The following METTL4 variants were observed in gnomAD, a reference collection of about 807,000 sequenced individuals.
METTL4 encodes methyltransferase 4, N6-adenosine, also known as N(6)-adenine-specific methyltransferase METTL4.
In METTL4, 40 loss-of-function variants were observed where a neutral mutation model predicts 54.0. The observed-to-expected ratio is 0.74, with a 90% confidence interval of 0.58 to 0.96. The LOEUF (loss-of-function observed/expected upper bound fraction) is 0.96. Among genes scored for constraint, METTL4 ranks in the 50% least tolerant of loss-of-function variants. The pLI is 0.00. For synonymous variants in METTL4, 169 were observed against 183.8 expected, an observed-to-expected ratio of 0.92 and a Z score of 0.65; for missense variants, 525 against 549.0, an observed-to-expected ratio of 0.96 and a Z score of 0.44.
At chr18:2,563,274 T>G (rs1049724118) in intron 3 of METTL4, among the ~76,000 whole-genome samples, 1 of 152,206 alleles carries the variant, frequency 6.6e-6, no homozygotes, top group African/African-American at 2.4e-5. Context: ...TTTAAACTAA[T>G]AGAAGTACAT....
chr18:2,560,139 G>A (rs1288438608), intron 3 of METTL4, among the ~76,000 whole-genome samples: 1 of 152,086 alleles, frequency 6.6e-6, no homozygotes. Flanking sequence ...ACCTGATTTT[G>A]TTACTAAAAA....
intron 5 of METTL4, among the ~76,000 whole-genome samples, chr18:2,548,055 A>T (rs760780030): frequency 3.9e-5 from 6 of 152,112 alleles, no homozygotes; most frequent in Non-Finnish European, 8.8e-5. Context: ...CTTCACAGGG[A>T]GTCATCTCAC....
rs1458571801 is a variant in METTL4, at chr18:2,567,097, A to G, written c.120T>C (p.Thr40=). The G allele has an allele frequency of 6.8e-6, 11 of 1,614,112 alleles. No homozygotes were observed. The highest frequency in any genetic ancestry group is 1.7e-5 in the Admixed American group (1 of 60,012). ...GAAGAGACTCAAAGTGAACAGAAGT[A>G]GTGAACTCCTTTTTACGGCAACAAG... ...HEPCCRKKEF[T]TSVHFESLQM... is the part of the protein sequence containing the mutation. The change falls in exon 2 of 9, where the codon ACT becomes ACC. Residue 40 remains threonine, a synonymous_variant. Transcript: ENST00000574538.
chr18:2,547,527 T>C lies in METTL4; in HGVS notation c.902A>G (p.Tyr301Cys). 6.4e-7 allele frequency: 1 copy of C among 1,562,702 alleles called. No individual in the cohort carries two copies. The highest frequency in any genetic ancestry group is 8.6e-7 in the Non-Finnish European group (1 of 1,156,794). Reference protein sequence around the residue: ...QNKSVKRSNRYSYLSPLQIQQ... With the variant: ...QNKSVKRSNRCSYLSPLQIQQ... ...TATTTGCAGGGGTGACAAATAACTG[T>C]ACCTAAAAATAAACGGAAAAAAGGA... The change falls in exon 6 of 9, where the codon TAC (tyrosine) becomes TGC (cysteine). Residue 301 changes from tyrosine (Y) to cysteine (C), a missense_variant and splice_region_variant. Tyr to Cys is a radical substitution (Grantham distance 194, BLOSUM62 -2). Transcript: ENST00000574538.
At chr18:2,547,015 G>A (rs142210327) in intron 6 of METTL4, among the ~76,000 whole-genome samples, 1 of 152,164 alleles carries the variant, frequency 6.6e-6, no homozygotes, top group South Asian at 2.1e-4. Context: ...AAGATGAAGA[G>A]TAAGACTATT....
intron 6 of METTL4, 132 bp downstream of exon 6, chr18:2,547,223 G>A (rs567159719): frequency 2.4e-4 from 150 of 627,674 alleles, no homozygotes; most frequent in African/African-American, 2.3e-3. Flanking sequence ...GTGGTAAGCA[G>A]CAAAGCAAAA....
At position 2,544,251 on chromosome 18, in the gene METTL4, T is replaced by C. The variant is rs747877395; in HGVS notation, c.1217A>G (p.His406Arg). The change falls in exon 8 of 9, where the codon CAC (histidine) becomes CGC (arginine). Residue 406 changes from histidine (H) to arginine (R), a missense_variant. Coordinates refer to ENST00000574538, the MANE Select transcript of METTL4 (RefSeq NM_022840.5). The stretch of plus-strand genomic sequence containing the variant: ...ACAGGGCACGCTGACAATTAATTTG[T>C]GGTCTGGAATGGGGAGCACGTTTAC... ...ADVNVLPIPDHKLIVSVPCTL... is the reference protein window; with the variant it reads ...ADVNVLPIPDRKLIVSVPCTL... The C allele has an allele frequency of 6.2e-7, 1 of 1,613,600 alleles. No individual in the cohort carries two copies. The highest frequency in any genetic ancestry group is 2.2e-5 in the East Asian group (1 of 44,860).
chr18:2,551,262 C>G (rs1316028038), intron 5 of METTL4, among the ~76,000 whole-genome samples: 1 of 149,746 alleles, frequency 6.7e-6, no homozygotes, highest in South Asian at 2.1e-4. Flanking sequence ...TTAGGAAATA[C>G]ATACTGAAAT....
At chr18:2,540,136 A>T in intron 8 of METTL4, 1 of 985,044 alleles carries the variant, frequency 1.0e-6, no homozygotes, top group Non-Finnish European at 1.2e-6. Context: ...AAAGAGCTGT[A>T]GGCTAAAGAG....
At position 2,537,978 on chromosome 18, in the gene METTL4, A is replaced by C. The variant is rs548405554; in HGVS notation, c.*1022T>G. The C allele has an allele frequency of 2.5e-6, 1 of 398,544 alleles. No homozygotes were observed. The highest frequency in any genetic ancestry group is 4.4e-6 in the Non-Finnish European group (1 of 226,006). The allele number at this position is 398,544 out of a possible 1,614,324, so 24.7% of individuals were successfully genotyped here. A position where few individuals can be genotyped will look rare whatever the true frequency, so the allele number is the denominator to read the frequency against. On this transcript the variant is annotated 3_prime_UTR_variant, in exon 9 of 9. Coordinates refer to ENST00000574538, the MANE Select transcript of METTL4 (RefSeq NM_022840.5). ...GGTAAAGAAAGTGTTCTGTATCATG[A>C]TCACTGTGGCAGACAGACAACTGTA...
intron 3 of METTL4, among the ~76,000 whole-genome samples, chr18:2,560,977 A>G (rs967142185): frequency 6.6e-6 from 1 of 152,214 alleles, no homozygotes; most frequent in African/African-American, 2.4e-5. Flanking sequence ...GAAGAATCAT[A>G]GGAAAAATCT....
chr18:2,548,422 C>T (rs9959388), intron 5 of METTL4, among the ~76,000 whole-genome samples: 9,444 of 152,182 alleles, frequency 0.062, 468 homozygotes, highest in African/African-American at 0.14. Context: ...CTATGTTAAC[C>T]TCTACTGTTC....
intron 3 of METTL4, among the ~76,000 whole-genome samples, chr18:2,563,027 A>T (rs914789425): frequency 6.6e-6 from 1 of 152,158 alleles, no homozygotes; most frequent in Non-Finnish European, 1.5e-5. Context: ...TTGCCATTTC[A>T]AAGGTGCTCC....
intron 8 of METTL4, 24 bp downstream of exon 8, chr18:2,544,171 C>A (rs759909495): frequency 6.4e-7 from 1 of 1,554,756 alleles, no homozygotes; most frequent in Non-Finnish European, 8.7e-7. Context: ...AAAGTGATAA[C>A]AATTCTATTT....
At chr18:2,541,945 T>A (rs1351668873) in intron 8 of METTL4, among the ~76,000 whole-genome samples, 1 of 152,156 alleles carries the variant, frequency 6.6e-6, no homozygotes, top group South Asian at 2.1e-4. Flanking sequence ...CTGAAATATA[T>A]AGAAACATGA....
Position 2,544,231 on chromosome 18 carries a change from GCA to G in METTL4, c.1235_1236del (p.Val412AlafsTer8). 6.2e-7 allele frequency: 1 copy of G among 1,613,316 alleles called. No individual in the cohort carries two copies. The highest frequency in any genetic ancestry group is 1.1e-5 in the South Asian group (1 of 90,974). ...PIPDHKLIVSVPCTLHSHKPP... is the reference protein window; with the variant it reads ...PIPDHKLIVSXPCTLHSHKPP... ...GGCTTATGTGAGTGAAGAGTACAGG[GCA>G]CGCTGACAATTAATTTGTGGTCTGG... is the stretch of plus-strand genomic sequence containing the variant. On this transcript the variant is annotated frameshift_variant, in exon 8 of 9. Coordinates refer to ENST00000574538, the MANE Select transcript of METTL4 (RefSeq NM_022840.5). LOFTEE classifies it high-confidence loss of function.
At chr18:2,566,046 CAAAT>C (rs538896989) in intron 2 of METTL4, among the ~76,000 whole-genome samples, 1,064 of 82,816 alleles carry the variant, frequency 0.013, 29 homozygotes, top group African/African-American at 0.057. Flanking sequence ...GACTCTGTCT[CAAAT>C]AAATAAATAA....
chr18:2,544,879 C>A, intron 6 of METTL4, 120 bp from the exon 7 acceptor site: 1 of 529,792 alleles, frequency 1.9e-6, no homozygotes. Context: ...ACTATGTGAG[C>A]CACATTTATC....
In METTL4 at chr18:2,554,889, T is replaced by G. The variant is rs769432937; in HGVS notation, c.609A>C (p.Glu203Asp). 6.2e-7 allele frequency: 1 copy of G among 1,614,100 alleles called. No individual in the cohort carries two copies. Among genetic ancestry groups the G allele is most frequent in the Non-Finnish European group, 8.5e-7 (1 of 1,179,948 alleles). ...TCAGAGAAGGCAAATGCTTTGCCATTTCACATAATTCTGACAAACTGCAGG... is the reference window on the plus strand; with the variant it reads ...TCAGAGAAGGCAAATGCTTTGCCATGTCACATAATTCTGACAAACTGCAGG... ...LDACSLSELC[E>D]MAKHLPSLNE... is the part of the protein sequence containing the mutation. Residue 203 changes from glutamate to aspartate, a missense_variant, in exon 4 of 9, where the codon GAA becomes GAC. Glu to Asp is a conservative substitution (Grantham distance 45). Transcript: ENST00000574538.
Sources: allele counts gnomAD v4.1 joint callset (sites outside exome capture counted in the v4.1 genomes callset), GRCh38; gene constraint gnomAD v4.1.1; transcripts MANE v1.5; gene names NCBI Gene and HGNC (gene_info 2026-07-23, HGNC 2026-07-21).